Variants in TTK observed in about 807,000 individuals in gnomAD.
TTK encodes the protein TTK protein kinase.
TTK carries 59 observed loss-of-function variants against 117.3 expected under a neutral mutation model. The observed-to-expected ratio is 0.50, with a 90% CI of 0.41 to 0.62. The LOEUF (loss-of-function observed/expected upper bound fraction) is 0.62, where lower values mean the gene tolerates loss of function less well. Among genes scored for constraint, TTK ranks in the 20% least tolerant of loss-of-function variants. The pLI is 0.00. For synonymous variants in TTK, 302 were observed against 325.0 expected, an observed-to-expected ratio of 0.93 and a Z score of 0.76; for missense variants, 921 against 989.4, an observed-to-expected ratio of 0.93 and a Z score of 0.93.
Position 80,007,990 on chromosome 6 carries a change from G to GACCA in TTK, c.322_323insCCAA (p.Ser108ThrfsTer5). 3 of 1,610,410 alleles carry GACCA rather than the reference G, an allele frequency of 1.9e-6. No homozygotes were observed. The highest frequency in any genetic ancestry group is 2.5e-6 in the Non-Finnish European group (3 of 1,176,882). ...CCCCAGATAAATATGGCCAAAATGA[G>GACCA]AGTTTTGCTAGAATTCAAGTGAGAT... On this transcript the variant is annotated frameshift_variant, in exon 3 of 22. Coordinates refer to ENST00000369798, the MANE Select transcript of TTK (RefSeq NM_003318.5). LOFTEE classifies it high-confidence loss of function.
At chr6:80,015,189 T>TGGG (rs10673679) in intron 10 of TTK, among the ~76,000 whole-genome samples, 93,553 of 151,584 alleles carry the variant, frequency 0.62, 29,295 homozygotes, top group Admixed American at 0.72. Flanking sequence ...AGGATTTAAA[T>TGGG]GGGAAATAAT....
At chr6:80,038,869 T>G (rs1388262969) in intron 18 of TTK, among the ~76,000 whole-genome samples, 1 of 152,172 alleles carries the variant, frequency 6.6e-6, no homozygotes, top group Non-Finnish European at 1.5e-5. Flanking sequence ...TTATCAACTC[T>G]ATTTTCATTT....
intron 12 of TTK, among the ~76,000 whole-genome samples, chr6:80,027,639 A>G (rs1046250210): frequency 1.3e-5 from 2 of 152,230 alleles, no homozygotes; most frequent in Non-Finnish European, 2.9e-5. Flanking sequence ...TGTATTTTAA[A>G]TGCCATCTTT....
intron 14 of TTK, among the ~76,000 whole-genome samples, chr6:80,032,701 C>T (rs1162466975): frequency 6.6e-6 from 1 of 152,166 alleles, no homozygotes; most frequent in Non-Finnish European, 1.5e-5. Context: ...CTTGTTAGTT[C>T]TACTTCAAAG....
At chr6:80,025,581 G>A (rs1477307534) in intron 11 of TTK, among the ~76,000 whole-genome samples, 1 of 152,156 alleles carries the variant, frequency 6.6e-6, no homozygotes, top group Non-Finnish European at 1.5e-5. Flanking sequence ...GCTACAGCAG[G>A]GGTTAGCAAA....
intron 2 of TTK, among the ~76,000 whole-genome samples, chr6:80,006,554 A>C (rs1414010226): frequency 1.3e-5 from 2 of 152,200 alleles, no homozygotes; most frequent in African/African-American, 4.8e-5. Flanking sequence ...GAAGATTCAA[A>C]GATGCTTAAA....
At chr6:80,024,073 A>G (rs1767540115) in intron 11 of TTK, among the ~76,000 whole-genome samples, 1 of 152,214 alleles carries the variant, frequency 6.6e-6, no homozygotes, top group African/African-American at 2.4e-5. Context: ...ACTACTTCAC[A>G]CCCACTAGGA....
intron 21 of TTK, among the ~76,000 whole-genome samples, chr6:80,041,856 G>T (rs1221229291): frequency 6.6e-6 from 1 of 151,506 alleles, no homozygotes; most frequent in Non-Finnish European, 1.5e-5. Flanking sequence ...GGCCTTGAAG[G>T]CTCATATGTA....
chr6:80,029,033 A>T (rs1014472188), intron 13 of TTK, among the ~76,000 whole-genome samples: 1 of 152,216 alleles, frequency 6.6e-6, no homozygotes, highest in African/African-American at 2.4e-5. Context: ...AATACAGAGC[A>T]TGACACTTAG....
At chr6:80,006,015 G>C (rs377265033) in intron 2 of TTK, 33 bp downstream of exon 2, 2 of 1,589,958 alleles carry the variant, frequency 1.3e-6, no homozygotes, top group African/African-American at 2.7e-5. Flanking sequence ...GTTAGTAACT[G>C]TTTGTTGGGT....
chr6:80,025,991 TGAG>T (rs2308094), intron 11 of TTK, among the ~76,000 whole-genome samples: 93,681 of 151,462 alleles, frequency 0.62, 29,407 homozygotes, highest in Admixed American at 0.73. Flanking sequence ...TGTCTACATT[TGAG>T]GAGAAGGGAA....
intron 21 of TTK, 106 bp from the exon 22 acceptor site, chr6:80,042,013 A>C (rs1305221609): frequency 1.8e-6 from 1 of 549,422 alleles, no homozygotes; most frequent in African/African-American, 1.9e-5. Context: ...TAAGAACAAG[A>C]GAGAAATAAA....
intron 10 of TTK, 66 bp from the exon 11 acceptor site, chr6:80,022,258 T>G: frequency 6.6e-7 from 1 of 1,504,728 alleles, no homozygotes. Context: ...ATATGTTCTG[T>G]TGTTTAGGCT....
intron 14 of TTK, 85 bp from the exon 15 acceptor site, chr6:80,034,900 A>C: frequency 8.4e-7 from 1 of 1,184,936 alleles, no homozygotes; most frequent in South Asian, 3.0e-5. Flanking sequence ...GAATTTTCTC[A>C]ACCTAAAATC....
At chr6:80,026,167 C>T (rs1294808639) in intron 11 of TTK, among the ~76,000 whole-genome samples, 2 of 152,020 alleles carry the variant, frequency 1.3e-5, no homozygotes, top group African/African-American at 4.8e-5. Flanking sequence ...TCAGTTTGAG[C>T]AGAATGCACT....
chr6:80,023,509 T>TCC (rs1562018484), intron 11 of TTK, among the ~76,000 whole-genome samples: 1 of 150,648 alleles, frequency 6.6e-6, no homozygotes, highest in African/African-American at 2.5e-5. Context: ...AGGAGAATGG[T>TCC]GTGAACCCAG....
At chr6:80,021,640 G>T (rs1298480202) in intron 10 of TTK, among the ~76,000 whole-genome samples, 1 of 152,202 alleles carries the variant, frequency 6.6e-6, no homozygotes, top group Non-Finnish European at 1.5e-5. Context: ...AGAGATGCAG[G>T]AGTGGTGCAG....
At position 80,022,347 on chromosome 6, in the gene TTK, G is replaced by A; in HGVS notation, c.1132G>A (p.Glu378Lys). 1 of 1,612,548 alleles carries A rather than the reference G, an allele frequency of 6.2e-7. No individual in the cohort carries two copies. Among genetic ancestry groups the A allele is most frequent in the East Asian group, 2.2e-5 (1 of 44,836 alleles). ...AGAAACTAAAGAGTATCAAGAACCA[G>A]AGGTTCCAGAGAGTAACCAGAAACA... ...LEETKEYQEP[E>K]VPESNQKQWQ... Residue 378 changes from glutamate to lysine, a missense_variant, in exon 11 of 22, where the codon GAG (glutamate) becomes AAG (lysine). By Grantham distance (56) the Glu-to-Lys change is moderately conservative. Coordinates refer to ENST00000369798, the MANE Select transcript of TTK (RefSeq NM_003318.5).
chr6:80,008,258 A>C (rs1282796340), intron 3 of TTK, 128 bp from the exon 4 acceptor site: 1 of 1,040,044 alleles, frequency 9.6e-7, no homozygotes, highest in African/African-American at 1.6e-5. Context: ...AAAATAACTT[A>C]TTAGTATTTA....
Sources: allele counts gnomAD v4.1 joint callset (sites outside exome capture counted in the v4.1 genomes callset), GRCh38; gene constraint gnomAD v4.1.1; transcripts MANE v1.5; gene names NCBI Gene and HGNC (gene_info 2026-07-23, HGNC 2026-07-21).